LRBA: variants seen among roughly 807,000 people sequenced by gnomAD.
LRBA encodes the protein lipopolysaccharide-responsive and beige-like anchor protein.
Under a neutral mutation model 330.0 loss-of-function variants are expected in LRBA, and 176 were observed. The observed-to-expected ratio is 0.53, with a 90% CI of 0.47 to 0.60. The LOEUF (loss-of-function observed/expected upper bound fraction) is 0.60. Among genes scored for constraint, LRBA ranks in the 20% least tolerant of loss-of-function variants. The pLI is 0.00. For synonymous variants in LRBA, 1,230 were observed against 1,193.0 expected (o/e 1.03, Z -0.64); for missense variants, 3,259 against 3,444.8 (o/e 0.95, Z 1.35).
intron 48 of LRBA, among the ~76,000 whole-genome samples, chr4:150,327,198 A>C (rs1475631133): frequency 6.6e-6 from 1 of 152,118 alleles, no homozygotes; most frequent in Non-Finnish European, 1.5e-5. Flanking sequence ...CCAAGACAGG[A>C]GGATCGCTTG....
intron 44 of LRBA, among the ~76,000 whole-genome samples, chr4:150,449,523 A>T (rs77181054): frequency 7.3e-6 from 1 of 137,254 alleles, no homozygotes; most frequent in East Asian, 2.1e-4. Context: ...CTACTTCTGG[A>T]AAAAAAAAAA....
In LRBA at chr4:150,898,731, C is replaced by T. The variant is rs57193091; in HGVS notation, c.1925-913G>A. 1.9e-3 allele frequency among the ~76,000 whole-genome samples: 291 copies of T among 152,112 alleles called. 6 individuals carry two copies. Among genetic ancestry groups the T allele is most frequent in the African/African-American group, 6.8e-3 (283 of 41,494 alleles). ...TTGAAGAATGAGACTTTCCCAAGGT[C>T]ACTAATCAGTTATAAAAGGCAGGCG... On this transcript the variant is annotated intron_variant, in intron 14 of 56. Transcript: ENST00000651943.
chr4:150,525,619 A>G (rs1036493474), intron 40 of LRBA, among the ~76,000 whole-genome samples: 1 of 152,178 alleles, frequency 6.6e-6, no homozygotes, highest in African/African-American at 2.4e-5. Flanking sequence ...CAATATCATC[A>G]AAGTATCATG....
At chr4:151,007,675 G>A (rs1351114810) in intron 2 of LRBA, among the ~76,000 whole-genome samples, 1 of 151,150 alleles carries the variant, frequency 6.6e-6, no homozygotes, top group Non-Finnish European at 1.5e-5. Flanking sequence ...GGCTAACACG[G>A]TGAAACCACG....
chr4:150,623,020 C>T (rs1776467291), intron 37 of LRBA, among the ~76,000 whole-genome samples: 1 of 152,096 alleles, frequency 6.6e-6, no homozygotes, highest in Admixed American at 6.5e-5. Context: ...CTGATTTCCT[C>T]TCTCCCCTTC....
At chr4:150,922,394 GTA>G (rs56340108) in intron 4 of LRBA, among the ~76,000 whole-genome samples, 11,379 of 139,724 alleles carry the variant, frequency 0.081, 844 homozygotes, top group African/African-American at 0.2. Flanking sequence ...AGAAACTGTG[GTA>G]TATATATATA....
intron 2 of LRBA, among the ~76,000 whole-genome samples, chr4:151,010,547 A>C (rs919853840): frequency 2.6e-5 from 4 of 152,186 alleles, no homozygotes; most frequent in Non-Finnish European, 5.9e-5. Context: ...TAACAGACTA[A>C]GGTCAAGCTA....
At chr4:150,988,122 T>C (rs142295600) in intron 2 of LRBA, among the ~76,000 whole-genome samples, 2 of 149,506 alleles carry the variant, frequency 1.3e-5, no homozygotes, top group Non-Finnish European at 3.0e-5. Flanking sequence ...AAGAAAAAAA[T>C]AATAAAGTCA....
chr4:150,271,837 G>GA (rs1023088458), intron 56 of LRBA, among the ~76,000 whole-genome samples: 15 of 151,780 alleles, frequency 9.9e-5, no homozygotes, highest in African/African-American at 2.7e-4. Context: ...GGGCATCTCT[G>GA]AAAAAAAAGG....
chr4:150,552,008 C>A (rs957155690), intron 40 of LRBA, among the ~76,000 whole-genome samples: 7 of 152,104 alleles, frequency 4.6e-5, no homozygotes, highest in African/African-American at 1.7e-4. Flanking sequence ...CTCAGATCGT[C>A]TGACATTAGA....
intron 48 of LRBA, among the ~76,000 whole-genome samples, chr4:150,346,757 CAAAAAAAAAAAAAAAAA>C (rs57119340): frequency 3.0e-5 from 2 of 66,136 alleles, no homozygotes; most frequent in Non-Finnish European, 4.9e-5. Context: ...GACTCTGTCT[CAAAAAAAAAAAAAAAAA>C]AAAAAAAAAA....
chr4:150,267,062 A>ATAAT (rs1745443294), intron 56 of LRBA, among the ~76,000 whole-genome samples: 1 of 152,310 alleles, frequency 6.6e-6, no homozygotes, highest in East Asian at 1.9e-4. Context: ...AAATATTAAC[A>ATAAT]GAATTGAAGG....
At chr4:150,289,795 A>C (rs1180867877) in intron 53 of LRBA, among the ~76,000 whole-genome samples, 1 of 152,228 alleles carries the variant, frequency 6.6e-6, no homozygotes, top group Non-Finnish European at 1.5e-5. Flanking sequence ...TAAGTTTTAT[A>C]ATAAAGAGCT....
intron 40 of LRBA, among the ~76,000 whole-genome samples, chr4:150,544,354 C>G (rs531237870): frequency 1.3e-5 from 2 of 152,250 alleles, no homozygotes; most frequent in East Asian, 1.9e-4. Flanking sequence ...TCTCAAACCC[C>G]TGACCTCCAG....
intron 36 of LRBA, among the ~76,000 whole-genome samples, chr4:150,715,663 G>A (rs1276765963): frequency 6.6e-6 from 1 of 152,154 alleles, no homozygotes; most frequent in African/African-American, 2.4e-5. Context: ...CCAAGTGTTA[G>A]TGAAAGACTA....
chr4:150,480,956 T>C (rs1561236638), intron 42 of LRBA, among the ~76,000 whole-genome samples: 2 of 152,204 alleles, frequency 1.3e-5, no homozygotes, highest in Non-Finnish European at 2.9e-5. Flanking sequence ...TTATTTTGTA[T>C]ACTTTAACAA....
At position 150,530,989 on chromosome 4, in the gene LRBA, T is replaced by C. The variant is rs1581596121; in HGVS notation, c.6331-39954A>G. 2.0e-5 allele frequency among the ~76,000 whole-genome samples: 3 copies of C among 152,268 alleles called. No homozygotes were observed. In the South Asian group the frequency reaches 6.2e-4, roughly 32 times the overall value. On this transcript the variant is annotated intron_variant, in intron 40 of 56. Transcript: ENST00000651943. ...GACACGAATTCAGTAAACCTGAATTTCCATATGCCCCAACTCCCAAGCCAA... is the reference window on the plus strand; with the variant it reads ...GACACGAATTCAGTAAACCTGAATTCCCATATGCCCCAACTCCCAAGCCAA...
At chr4:150,919,720 T>C (rs1385610377) in intron 5 of LRBA, among the ~76,000 whole-genome samples, 1 of 152,166 alleles carries the variant, frequency 6.6e-6, no homozygotes, top group Non-Finnish European at 1.5e-5. Context: ...TGTAAAAGCT[T>C]TGCAAAAATA....
chr4:150,360,190 G>C (rs1005362971), intron 47 of LRBA, among the ~76,000 whole-genome samples: 4 of 151,332 alleles, frequency 2.6e-5, no homozygotes, highest in Admixed American at 6.6e-5. Flanking sequence ...ACAGGGTCTC[G>C]CTGTGTTGCC....
Sources: gnomAD v4.1 joint callset for allele counts (sites outside exome capture counted in the v4.1 genomes callset) on GRCh38, gnomAD v4.1.1 for gene constraint, MANE v1.5 for transcripts, NCBI Gene and HGNC (gene_info 2026-07-23, HGNC 2026-07-21) for gene names.